NUMB: variants seen among roughly 807,000 people sequenced by gnomAD.
NUMB encodes the protein NUMB endocytic adaptor protein.
NUMB carries 29 observed loss-of-function variants against 59.7 expected under a neutral mutation model. That is an observed-to-expected ratio of 0.49 (90% CI 0.36 to 0.66). The LOEUF is 0.66. Ranked by LOEUF, NUMB falls within the 30% of genes least tolerant of loss-of-function variation. NUMB has a pLI of 0.00. For synonymous variants in NUMB, 288 were observed against 288.2 expected (o/e 1.00, Z 0.01); for missense variants, 723 against 822.0 (o/e 0.88, Z 1.47).
At chr14:73,389,871 T>C (rs1326754616) in intron 2 of NUMB, among the ~76,000 whole-genome samples, 1 of 152,186 alleles carries the variant, frequency 6.6e-6, no homozygotes, top group Non-Finnish European at 1.5e-5. Context: ...ACACAGGTTA[T>C]GTGCACCACC....
Position 73,361,662 on chromosome 14 carries a change from A to C in NUMB, c.-16+5235T>G, listed in dbSNP as rs796424949. 1.2e-4 allele frequency among the ~76,000 whole-genome samples: 18 copies of C among 152,224 alleles called. 1 individual carries two copies. The highest frequency in any genetic ancestry group is 3.9e-4 in the African/African-American group (16 of 41,538). On this transcript the variant is annotated intron_variant, in intron 3 of 12. Coordinates refer to ENST00000555238, the MANE Select transcript of NUMB (RefSeq NM_001005743.2). The stretch of plus-strand genomic sequence containing the variant: ...CTGTGTCTGTTGTTTCCTTGTGTTC[A>C]TAAGTTCTTATCATTTAGCTCCCAT...
At chr14:73,310,172 G>C (rs538069463) in intron 6 of NUMB, among the ~76,000 whole-genome samples, 12 of 152,230 alleles carry the variant, frequency 7.9e-5, no homozygotes, top group African/African-American at 2.9e-4. Context: ...AAGAATTAAA[G>C]GCACATAACA....
Position 73,455,755 on chromosome 14 carries a change from ACTTT to A in NUMB, c.-233+2734_-233+2737del, listed in dbSNP as rs372469910. ...ATTTTTCTCTTTTGCAGTGTTTCTTACTTTGTTTTTGCTTATTTTCTATACATGA... is the reference window on the plus strand; with the variant it reads ...ATTTTTCTCTTTTGCAGTGTTTCTTAGTTTTTGCTTATTTTCTATACATGA... On this transcript the variant is annotated intron_variant, in intron 1 of 12. Coordinates refer to ENST00000555238, the MANE Select transcript of NUMB (RefSeq NM_001005743.2). Among the ~76,000 whole-genome samples, 472 of 152,194 alleles carry A rather than the reference ACTTT, an allele frequency of 3.1e-3. 2 individuals carry two copies. The highest frequency in any genetic ancestry group is 0.011 in the African/African-American group (445 of 41,556).
intron 5 of NUMB, among the ~76,000 whole-genome samples, chr14:73,318,574 C>G (rs965256739): frequency 6.6e-6 from 1 of 152,098 alleles, no homozygotes; most frequent in Non-Finnish European, 1.5e-5. Flanking sequence ...TAACCAAAGG[C>G]CTTATACACT....
chr14:73,287,569 G>C (rs1483547423), intron 8 of NUMB, among the ~76,000 whole-genome samples: 1 of 151,834 alleles, frequency 6.6e-6, no homozygotes, highest in African/African-American at 2.4e-5. Flanking sequence ...GTAGAGATGG[G>C]GTTTTGCTAT....
At chr14:73,419,462 T>C (rs1897269196) in intron 1 of NUMB, among the ~76,000 whole-genome samples, 1 of 151,984 alleles carries the variant, frequency 6.6e-6, no homozygotes, top group South Asian at 2.1e-4. Flanking sequence ...TGAGCTGAGA[T>C]TGCGCCACTG....
chr14:73,451,175 CAA>C (rs1209954055), intron 1 of NUMB, among the ~76,000 whole-genome samples: 3 of 104,150 alleles, frequency 2.9e-5, no homozygotes, highest in Admixed American at 1.0e-4. Flanking sequence ...AAAAAAAAAA[CAA>C]AAAACAAATC....
intron 6 of NUMB, chr14:73,298,864 C>G (rs776310222): frequency 6.6e-6 from 1 of 152,238 alleles, no homozygotes; most frequent in South Asian, 2.1e-4. Flanking sequence ...GTGGAAATAC[C>G]TGGAAGGTTA....
chr14:73,428,085 A>C (rs1897664635), intron 1 of NUMB, among the ~76,000 whole-genome samples: 2 of 152,192 alleles, frequency 1.3e-5, no homozygotes, highest in Non-Finnish European at 1.5e-5. Flanking sequence ...CTTTCCTACC[A>C]CTAGGAAGGG....
At chr14:73,334,155 G>A (rs1001308270) in intron 4 of NUMB, among the ~76,000 whole-genome samples, 26 of 151,538 alleles carry the variant, frequency 1.7e-4, no homozygotes, top group African/African-American at 6.1e-4. Context: ...AGGTTCAGGC[G>A]ATTCTCCTGC....
chr14:73,287,388 G>A, intron 8 of NUMB, 74 bp from the exon 9 acceptor site: 9 of 1,329,572 alleles, frequency 6.8e-6, no homozygotes, highest in Non-Finnish European at 9.2e-6. Flanking sequence ...CTTTTGTTTT[G>A]TTTTGTTTTT....
chr14:73,451,424 A>C (rs2140209907), intron 1 of NUMB, among the ~76,000 whole-genome samples: 1 of 147,744 alleles, frequency 6.8e-6, no homozygotes, highest in African/African-American at 2.5e-5. Flanking sequence ...GCAACAGAGG[A>C]GACACCGTCT....
In NUMB at chr14:73,287,133, T is replaced by G; in HGVS notation, c.632A>C (p.Lys211Thr). 2 of 1,614,012 alleles carry G rather than the reference T, an allele frequency of 1.2e-6. No individual in the cohort carries two copies. Among genetic ancestry groups the G allele is most frequent in the Non-Finnish European group, 1.7e-6 (2 of 1,179,996 alleles). Residue 211 changes from lysine (K) to threonine (T), a missense_variant, in exon 9 of 13, where the codon AAA (lysine) becomes ACA (threonine). Around this residue, in one of 2 missense-constraint regions of NUMB, gnomAD observed 317 missense variants for 436.6 expected, o/e 0.73. Coordinates refer to ENST00000555238, the MANE Select transcript of NUMB (RefSeq NM_001005743.2). The stretch of plus-strand genomic sequence containing the variant: ...ACCTTTCTTGGCATCTTGCATTTGT[T>G]TCATGATCTCCTCTCTTTCTGCTTG... ...TEQAEREEIM[K>T]QMQDAKKAET...
Position 73,276,433 on chromosome 14 carries a change from G to C in NUMB, c.*145C>G, listed in dbSNP as rs745873728. The C allele has an allele frequency of 1.6e-6, 1 of 636,140 alleles. No homozygotes were observed. The highest frequency in any genetic ancestry group is 2.7e-6 in the Non-Finnish European group (1 of 371,924). The allele number at this position is 636,140 out of a possible 1,614,324, so 39.4% of individuals were successfully genotyped here. A position where few individuals can be genotyped will look rare whatever the true frequency, so the allele number is the denominator to read the frequency against. ...ATGTCTTTCAAAATCACCCCTCACA[G>C]TACTCTGGGCCTGGACTTGTTCCTT... On this transcript the variant is annotated 3_prime_UTR_variant, in exon 13 of 13. Coordinates refer to ENST00000555238, the MANE Select transcript of NUMB (RefSeq NM_001005743.2).
intron 1 of NUMB, among the ~76,000 whole-genome samples, chr14:73,410,569 T>C (rs1427635049): frequency 1.3e-5 from 2 of 152,220 alleles, no homozygotes; most frequent in African/African-American, 4.8e-5. Flanking sequence ...CTAAAAACTA[T>C]GTATAAAGTT....
chr14:73,282,096 T>A (rs1392333597), intron 11 of NUMB: 2 of 368,872 alleles, frequency 5.4e-6, no homozygotes, highest in South Asian at 5.3e-5. Context: ...AATAAGGCAG[T>A]AGGTTGGGAC....
At chr14:73,324,082 C>T (rs534740038) in intron 4 of NUMB, among the ~76,000 whole-genome samples, 2 of 152,286 alleles carry the variant, frequency 1.3e-5, no homozygotes, top group Admixed American at 6.5e-5. Flanking sequence ...TTTATGCCCT[C>T]CCTGGGAATC....
At chr14:73,334,866 T>C (rs910485394) in intron 4 of NUMB, among the ~76,000 whole-genome samples, 2 of 149,850 alleles carry the variant, frequency 1.3e-5, no homozygotes, top group East Asian at 2.0e-4. Context: ...GGAGAATAGC[T>C]TGAACCTGGG....
intron 1 of NUMB, among the ~76,000 whole-genome samples, chr14:73,443,950 C>T (rs940343597): frequency 1.3e-5 from 2 of 149,930 alleles, no homozygotes; most frequent in South Asian, 2.1e-4. Flanking sequence ...TCTGTCCCCC[C>T]ACGCAGGAGT....
Sources: allele counts gnomAD v4.1 joint callset (sites outside exome capture counted in the v4.1 genomes callset), GRCh38; gene constraint gnomAD v4.1.1; regional missense constraint gnomAD v4.1.1; transcripts MANE v1.5; gene names NCBI Gene and HGNC (gene_info 2026-07-23, HGNC 2026-07-21).